GALNTL6: variants seen among roughly 807,000 people sequenced by gnomAD.
The protein encoded by GALNTL6 is polypeptide N-acetylgalactosaminyltransferase like 6.
A neutral mutation model predicts 73.7 loss-of-function variants in GALNTL6; 46 were observed. That is an observed-to-expected ratio of 0.62 (90% CI 0.49 to 0.80). GALNTL6 has a LOEUF of 0.80. GALNTL6 is among the 30% of genes least tolerant of loss of function. The pLI, the probability that GALNTL6 is intolerant of heterozygous loss-of-function variation, is 0.00. For synonymous variants in GALNTL6, 259 were observed against 263.7 expected (o/e 0.98, Z 0.17); for missense variants, 604 against 755.0 (o/e 0.80, Z 2.34).
chr4:172,759,079 T>C (rs1737917621), intron 5 of GALNTL6, among the ~76,000 whole-genome samples: 1 of 152,236 alleles, frequency 6.6e-6, no homozygotes, highest in Admixed American at 6.5e-5. Context: ...GGTGTAGCTC[T>C]GAGCCTTCAT....
chr4:171,971,672 C>A (rs964926596), intron 2 of GALNTL6, among the ~76,000 whole-genome samples: 2 of 152,022 alleles, frequency 1.3e-5, no homozygotes, highest in Non-Finnish European at 2.9e-5. Context: ...TTCTGTAAAG[C>A]AATTCATTGA....
chr4:172,585,752 A>T (rs1459164589), intron 5 of GALNTL6, among the ~76,000 whole-genome samples: 2 of 152,138 alleles, frequency 1.3e-5, no homozygotes, highest in East Asian at 3.8e-4. Flanking sequence ...AATGATTGAT[A>T]ATCCTTTGGG....
In GALNTL6 at chr4:172,734,469, A is replaced by C. The variant is rs527305497; in HGVS notation, c.554-74892A>C. 5.9e-5 allele frequency among the ~76,000 whole-genome samples: 9 copies of C among 152,316 alleles called. 2 individuals carry two copies. The South Asian group carries it at 1.9e-3, about 32-fold the overall frequency. On this transcript the variant is annotated intron_variant, in intron 5 of 12. Coordinates refer to ENST00000506823, the MANE Select transcript of GALNTL6 (RefSeq NM_001034845.3). ...CCAAATGGGAGAAATTGGCCAAAACAAAGGGGTTACAGGCCCCATACAAAT... is the reference window on the plus strand; with the variant it reads ...CCAAATGGGAGAAATTGGCCAAAACCAAGGGGTTACAGGCCCCATACAAAT...
intron 5 of GALNTL6, among the ~76,000 whole-genome samples, chr4:172,727,238 G>T (rs745399738): frequency 1.3e-5 from 2 of 152,100 alleles, no homozygotes; most frequent in African/African-American, 4.8e-5. Flanking sequence ...AAGAAATAAC[G>T]CTGTAGTCAT....
At chr4:172,919,211 C>A (rs1579654006) in intron 8 of GALNTL6, among the ~76,000 whole-genome samples, 1 of 151,942 alleles carries the variant, frequency 6.6e-6, no homozygotes. Context: ...AGGAAGAATT[C>A]GGGAGGAAGC....
intron 2 of GALNTL6, among the ~76,000 whole-genome samples, chr4:172,036,182 A>G (rs1461403598): frequency 6.6e-6 from 1 of 152,124 alleles, no homozygotes; most frequent in African/African-American, 2.4e-5. Flanking sequence ...TTTCCCTTTC[A>G]TAATTCAAAA....
At chr4:172,418,322 C>A (rs1226333594) in intron 5 of GALNTL6, among the ~76,000 whole-genome samples, 1 of 152,138 alleles carries the variant, frequency 6.6e-6, no homozygotes, top group Non-Finnish European at 1.5e-5. Flanking sequence ...TTTTCTCCTA[C>A]ATTGATGTAG....
intron 2 of GALNTL6, among the ~76,000 whole-genome samples, chr4:172,049,611 C>T (rs1730769797): frequency 6.6e-6 from 1 of 152,162 alleles, no homozygotes; most frequent in African/African-American, 2.4e-5. Flanking sequence ...TTTTACGTGG[C>T]TTCTCAAGAC....
chr4:172,899,570 TCTA>T (rs1214198198), intron 8 of GALNTL6, among the ~76,000 whole-genome samples: 2 of 152,206 alleles, frequency 1.3e-5, no homozygotes, highest in Admixed American at 1.3e-4. Flanking sequence ...AGAAATAGCA[TCTA>T]CTACCTTTAC....
chr4:171,841,692 A>T (rs1039635454), intron 2 of GALNTL6, among the ~76,000 whole-genome samples: 20 of 149,608 alleles, frequency 1.3e-4, no homozygotes, highest in African/African-American at 4.8e-4. Flanking sequence ...GTAGTATTTG[A>T]TGAAAAACTA....
At chr4:172,024,112 A>G (rs971954984) in intron 2 of GALNTL6, among the ~76,000 whole-genome samples, 4 of 151,830 alleles carry the variant, frequency 2.6e-5, no homozygotes, top group Non-Finnish European at 5.9e-5. Context: ...GTAAATGCCA[A>G]TGTATGCATG....
At chr4:171,981,535 A>G (rs997251088) in intron 2 of GALNTL6, among the ~76,000 whole-genome samples, 2 of 152,174 alleles carry the variant, frequency 1.3e-5, no homozygotes, top group African/African-American at 2.4e-5. Context: ...CTTTGTAGCT[A>G]TCTTACTTAG....
Position 172,693,373 on chromosome 4 carries a change from C to G in GALNTL6, c.554-115988C>G, listed in dbSNP as rs184938716. Among the ~76,000 whole-genome samples, 260 of 152,230 alleles carry G rather than the reference C, an allele frequency of 1.7e-3. 1 individual carries two copies. The highest frequency in any genetic ancestry group is 6.1e-3 in the African/African-American group (254 of 41,542). ...ATATCTTGCTAATCCCTGAGTTTAC[C>G]CCCATTGCCCCAGCCACTGGCTTTG... On this transcript the variant is annotated intron_variant, in intron 5 of 12. Coordinates refer to ENST00000506823, the MANE Select transcript of GALNTL6 (RefSeq NM_001034845.3).
At chr4:172,175,624 T>A (rs1364879441) in intron 2 of GALNTL6, among the ~76,000 whole-genome samples, 2 of 152,230 alleles carry the variant, frequency 1.3e-5, no homozygotes, top group Admixed American at 1.3e-4. Context: ...ATATTAACAA[T>A]GCTAAGAATT....
rs535536439 is a variant in GALNTL6, at chr4:172,760,125, C to A, written c.554-49236C>A. Among the ~76,000 whole-genome samples the A allele has an allele frequency of 5.3e-5, 8 of 151,804 alleles. No homozygotes were observed. In the South Asian group the frequency reaches 1.5e-3, roughly 28 times the overall value. ...TGCTGGGATTACAGGCGTGAGCCACCGCGCCCGGCCACCACACCTCTTCTT... is the reference window on the plus strand; with the variant it reads ...TGCTGGGATTACAGGCGTGAGCCACAGCGCCCGGCCACCACACCTCTTCTT... On this transcript the variant is annotated intron_variant, in intron 5 of 12. Transcript: ENST00000506823.
intron 7 of GALNTL6, among the ~76,000 whole-genome samples, chr4:172,864,004 G>A (rs775622594): frequency 1.1e-4 from 16 of 152,046 alleles, no homozygotes; most frequent in Non-Finnish European, 2.9e-5. Flanking sequence ...TTATAAATGG[G>A]ATGCACACAA....
chr4:172,182,084 CA>C lies in GALNTL6; in HGVS notation c.139-47567del, dbSNP rs372109198. Reference sequence around the variant, plus strand: ...AGTCTCAGGATACAAAATCAATGTGCAAAAATCACAAGCATTTCTATACACC... The same window carrying C: ...AGTCTCAGGATACAAAATCAATGTGCAAAATCACAAGCATTTCTATACACC... On this transcript the variant is annotated intron_variant, in intron 2 of 12. Coordinates refer to ENST00000506823, the MANE Select transcript of GALNTL6 (RefSeq NM_001034845.3). Among the ~76,000 whole-genome samples the C allele has an allele frequency of 5.1e-4, 77 of 152,206 alleles. 2 individuals carry two copies. In the East Asian group the frequency reaches 0.012, roughly 24 times the overall value.
chr4:172,597,815 A>G (rs977058044), intron 5 of GALNTL6, among the ~76,000 whole-genome samples: 3 of 152,164 alleles, frequency 2.0e-5, no homozygotes, highest in Non-Finnish European at 4.4e-5. Flanking sequence ...AATCACACAA[A>G]AAGTATATGC....
intron 2 of GALNTL6, among the ~76,000 whole-genome samples, chr4:171,983,264 A>C (rs1470720843): frequency 6.6e-6 from 1 of 152,142 alleles, no homozygotes; most frequent in Admixed American, 6.5e-5. Context: ...AAGCTTGCTA[A>C]TTATTTTTTC....
Sources: gnomAD v4.1 joint callset for allele counts (sites outside exome capture counted in the v4.1 genomes callset) on GRCh38, gnomAD v4.1.1 for gene constraint, MANE v1.5 for transcripts, NCBI Gene and HGNC (gene_info 2026-07-23, HGNC 2026-07-21) for gene names.